EYA2: variants seen among roughly 807,000 people sequenced by gnomAD.
EYA2 encodes protein phosphatase EYA2.
Under a neutral mutation model 69.2 loss-of-function variants are expected in EYA2, and 31 were observed. That is an observed-to-expected ratio of 0.45 (90% CI 0.34 to 0.60). EYA2 has a LOEUF of 0.60. EYA2 is among the 20% of genes least tolerant of loss of function. The pLI is 0.02. For missense variants in EYA2, 622 were observed against 701.2 expected (o/e 0.89, Z 1.28); for synonymous variants, 257 against 279.4 (o/e 0.92, Z 0.80).
In EYA2 at chr20:47,126,326, C is replaced by T. The variant is rs371067839; in HGVS notation, c.889-16733C>T. Among the ~76,000 whole-genome samples the T allele has an allele frequency of 5.8e-4, 89 of 152,340 alleles. 1 individual carries two copies. Among genetic ancestry groups the T allele is most frequent in the African/African-American group, 2.0e-3 (82 of 41,568 alleles). ...TGACTAGCCCGCTAGTAGTGCTTGC[C>T]GCAAGCCGCCCATGCATCCCAAGTG... On this transcript the variant is annotated intron_variant, in intron 9 of 15. Transcript: ENST00000327619.
At chr20:47,047,571 G>A (rs2030109641) in intron 5 of EYA2, among the ~76,000 whole-genome samples, 2 of 152,132 alleles carry the variant, frequency 1.3e-5, no homozygotes, top group Non-Finnish European at 2.9e-5. Flanking sequence ...ATTTTTAGTA[G>A]AGACGGGGTT....
chr20:46,985,238 C>T (rs930865856), intron 1 of EYA2, among the ~76,000 whole-genome samples: 6 of 152,196 alleles, frequency 3.9e-5, no homozygotes, highest in African/African-American at 1.4e-4. Context: ...TTCTTTCCTC[C>T]CTTCCTCCAA....
intron 1 of EYA2, among the ~76,000 whole-genome samples, chr20:46,971,126 C>T (rs1485899408): frequency 6.6e-6 from 1 of 151,956 alleles, no homozygotes; most frequent in Non-Finnish European, 1.5e-5. Flanking sequence ...CACGTAAATG[C>T]ACTGAAGAAG....
chr20:46,989,126 T>C (rs1201846050), intron 1 of EYA2, among the ~76,000 whole-genome samples: 2 of 152,084 alleles, frequency 1.3e-5, no homozygotes, highest in African/African-American at 2.4e-5. Flanking sequence ...CCATAACATA[T>C]TATAAAAATC....
chr20:47,073,498 G>C (rs551951792), intron 6 of EYA2, among the ~76,000 whole-genome samples: 5 of 151,992 alleles, frequency 3.3e-5, no homozygotes, highest in East Asian at 1.9e-4. Context: ...GTGTCGTGGG[G>C]GGGGGGTGCA....
chr20:46,942,388 TG>T (rs1986192892), intron 1 of EYA2, among the ~76,000 whole-genome samples: 2 of 151,986 alleles, frequency 1.3e-5, no homozygotes, highest in African/African-American at 4.8e-5. Context: ...TTGTATTTTT[TG>T]TAAAGACAGG....
At position 47,072,181 on chromosome 20, in the gene EYA2, A is replaced by G. The variant is rs774288045; in HGVS notation, c.416-4A>G. The G allele has an allele frequency of 1.9e-6, 3 of 1,612,366 alleles. No individual in the cohort carries two copies. Among genetic ancestry groups the G allele is most frequent in the South Asian group, 2.2e-5 (2 of 90,654 alleles). The stretch of plus-strand genomic sequence containing the variant: ...ACCTGTACCCCTGTTCCTCCTTCCC[A>G]CAGGCACAACAGGGTTCTATCAAGG... On this transcript the variant is annotated splice_region_variant and splice_polypyrimidine_tract_variant and intron_variant, in intron 5 of 15. Transcript: ENST00000327619.
At chr20:46,965,110 G>A (rs982928807) in intron 1 of EYA2, among the ~76,000 whole-genome samples, 2 of 152,208 alleles carry the variant, frequency 1.3e-5, no homozygotes, top group African/African-American at 4.8e-5. Flanking sequence ...TGCATCGCAG[G>A]AGTGTGGTAC....
intron 7 of EYA2, among the ~76,000 whole-genome samples, chr20:47,079,402 C>T (rs1190628665): frequency 1.3e-5 from 2 of 152,178 alleles, no homozygotes; most frequent in Non-Finnish European, 2.9e-5. Flanking sequence ...GCCCTTCTAC[C>T]TGCAGAGGCC....
intron 2 of EYA2, among the ~76,000 whole-genome samples, chr20:46,993,333 C>T (rs994045395): frequency 1.3e-5 from 2 of 152,216 alleles, no homozygotes; most frequent in African/African-American, 4.8e-5. Flanking sequence ...AACTCATCTC[C>T]GTCCCTATTG....
chr20:46,979,118 G>A (rs1150444), intron 1 of EYA2, among the ~76,000 whole-genome samples: 140,243 of 152,254 alleles, frequency 0.92, 65,046 homozygotes, highest in Middle Eastern at 0.97. Flanking sequence ...CTCTGCATCT[G>A]ACAGACAGGG....
At position 47,180,836 on chromosome 20, in the gene EYA2, G is replaced by A; in HGVS notation, c.1335G>A (p.Leu445=). The A allele has an allele frequency of 6.2e-7, 1 of 1,614,174 alleles. No homozygotes were observed. The highest frequency in any genetic ancestry group is 8.5e-7 in the Non-Finnish European group (1 of 1,180,018). ...INSRPNCVNV[L]VTTTQLIPAL... ...TTAGGCCCAACTGTGTCAATGTGCTGGTCACCACCACTCAACTAATTCCTG... is the reference window on the plus strand; with the variant it reads ...TTAGGCCCAACTGTGTCAATGTGCTAGTCACCACCACTCAACTAATTCCTG... Residue 445 remains leucine, a synonymous_variant, in exon 14 of 16, where the codon CTG becomes CTA. Coordinates refer to ENST00000327619, the MANE Select transcript of EYA2 (RefSeq NM_005244.5).
intron 1 of EYA2, among the ~76,000 whole-genome samples, chr20:46,936,827 AGTTTTGC>A (rs1054935362): frequency 1.3e-5 from 2 of 152,004 alleles, no homozygotes; most frequent in African/African-American, 2.4e-5. Context: ...CTGGCACTTT[AGTTTTGC>A]GATTCGGGGA....
In EYA2 at chr20:46,987,916, G is replaced by GACACTCTCTCTCTC. The variant is rs56288405; in HGVS notation, c.-10-2085_-10-2084insACACTCTCTCTCTC. On this transcript the variant is annotated intron_variant, in intron 1 of 15. Transcript: ENST00000327619. Reference sequence around the variant, plus strand: ...TACTCCAGCCTGGAAGACAGAGTAAGTCTCTCTCTCTCTCTCTCTCTCTCT... The same window carrying GACACTCTCTCTCTC: ...TACTCCAGCCTGGAAGACAGAGTAAGACACTCTCTCTCTCTCTCTCTCTCTCTCTCTCTCTCTCT... 5.4e-4 allele frequency among the ~76,000 whole-genome samples: 11 copies of GACACTCTCTCTCTC among 20,376 alleles called. 1 individual carries two copies. The East Asian group carries it at 6.7e-3, about 12-fold the overall frequency. The allele number at this position is 20,376 out of a possible 152,430, so 13.4% of individuals were successfully genotyped here. A position where few individuals can be genotyped will look rare whatever the true frequency, so the allele number is the denominator to read the frequency against.
chr20:46,998,955 T>C (rs939326831), intron 2 of EYA2, among the ~76,000 whole-genome samples: 1 of 152,284 alleles, frequency 6.6e-6, no homozygotes, highest in Non-Finnish European at 1.5e-5. Context: ...GGAGAGTATT[T>C]ACAGGTCTGC....
intron 7 of EYA2, among the ~76,000 whole-genome samples, chr20:47,078,518 T>G (rs1392981813): frequency 6.6e-6 from 1 of 152,244 alleles, no homozygotes; most frequent in East Asian, 1.9e-4. Flanking sequence ...AGTATTTTGG[T>G]GCTCTCACCA....
intron 2 of EYA2, among the ~76,000 whole-genome samples, chr20:46,996,819 C>T (rs1487204107): frequency 6.6e-6 from 1 of 151,098 alleles, no homozygotes; most frequent in East Asian, 1.9e-4. Context: ...TGGTGGAAGG[C>T]GAAGGGGAAG....
intron 5 of EYA2, among the ~76,000 whole-genome samples, chr20:47,062,940 C>CG (rs1254035520): frequency 6.6e-6 from 1 of 152,054 alleles, no homozygotes; most frequent in Non-Finnish European, 1.5e-5. Flanking sequence ...TGGCAGAAGG[C>CG]GGGGGTTCTG....
chr20:46,987,916 G>GACTCTCTCTCTCTCTCTC (rs56288405), intron 1 of EYA2, among the ~76,000 whole-genome samples: 215 of 20,362 alleles, frequency 0.011, 42 homozygotes, highest in Admixed American at 0.015. Flanking sequence ...GACAGAGTAA[G>GACTCTCTCTCTCTCTCTC]TCTCTCTCTC....
Sources: allele counts gnomAD v4.1 joint callset (sites outside exome capture counted in the v4.1 genomes callset), GRCh38; gene constraint gnomAD v4.1.1; transcripts MANE v1.5; gene names NCBI Gene and HGNC (gene_info 2026-07-23, HGNC 2026-07-21).